INTU: variants seen among roughly 807,000 people sequenced by gnomAD.
INTU encodes the protein inturned planar cell polarity protein.
In INTU, 68 loss-of-function variants were observed where a neutral mutation model predicts 100.5. That is an observed-to-expected ratio of 0.68 (90% confidence interval 0.56 to 0.83). INTU has a LOEUF of 0.83. INTU is among the 40% of genes least tolerant of loss of function. INTU has a pLI of 0.00. For synonymous variants in INTU, 357 were observed against 395.7 expected, an observed-to-expected ratio of 0.90 and a Z score of 1.16; for missense variants, 1,071 against 1,114.7, an observed-to-expected ratio of 0.96 and a Z score of 0.56.
chr4:127,680,051 C>G (rs966843670), intron 6 of INTU, among the ~76,000 whole-genome samples: 9 of 152,064 alleles, frequency 5.9e-5, no homozygotes, highest in African/African-American at 1.9e-4. Context: ...AAGACTAAAC[C>G]AGGAAGAAGT....
chr4:127,687,220 G>A (rs977648283), intron 7 of INTU: 1 of 152,264 alleles, frequency 6.6e-6, no homozygotes, highest in Non-Finnish European at 1.5e-5. Flanking sequence ...GAAAGGTTAG[G>A]TGATTTGCCT....
intron 2 of INTU, among the ~76,000 whole-genome samples, chr4:127,653,780 T>G (rs1728030011): frequency 6.6e-6 from 1 of 151,648 alleles, no homozygotes. Flanking sequence ...GTATCCTTGT[T>G]GACGTTCTGT....
intron 6 of INTU, among the ~76,000 whole-genome samples, chr4:127,683,005 T>C (rs113520797): frequency 2.6e-5 from 4 of 152,272 alleles, no homozygotes; most frequent in South Asian, 2.1e-4. Flanking sequence ...AACCACACTC[T>C]GATGACACCA....
At chr4:127,703,610 T>G (rs978556177) in intron 9 of INTU, among the ~76,000 whole-genome samples, 2 of 152,218 alleles carry the variant, frequency 1.3e-5, no homozygotes, top group African/African-American at 4.8e-5. Flanking sequence ...CCTGCTCATA[T>G]AGATCAATCA....
In INTU at chr4:127,706,672, C is replaced by G; in HGVS notation, c.1974C>G (p.Asp658Glu). ...SSPVPCLSCADWFLTGSREKT... is the reference protein window; with the variant it reads ...SSPVPCLSCAEWFLTGSREKT... ...CAGTCCCCTGTTTGTCTTGTGCTGA[C>G]TGGTTCCTTACTGGATCACGTGAAA... is the stretch of plus-strand genomic sequence containing the variant. Residue 658 changes from aspartate to glutamate, a missense_variant, in exon 12 of 16, where the codon GAC becomes GAG. Coordinates refer to ENST00000335251, the MANE Select transcript of INTU (RefSeq NM_015693.4). 1 of 1,614,108 alleles carries G rather than the reference C, an allele frequency of 6.2e-7. No individual in the cohort carries two copies. Among genetic ancestry groups the G allele is most frequent in the Non-Finnish European group, 8.5e-7 (1 of 1,179,972 alleles).
Position 127,663,590 on chromosome 4 carries a change from T to C in INTU, c.972+6T>C, listed in dbSNP as rs768997539. ...CAGAAACCTCAAAGGAAGAGGTGAG[T>C]GTCCTCAAAAGTCCAAAGGAAATAA... is the stretch of plus-strand genomic sequence containing the variant. On this transcript the variant is annotated splice_donor_region_variant and intron_variant, in intron 4 of 15. Transcript: ENST00000335251. 1.9e-6 allele frequency: 3 copies of C among 1,611,044 alleles called. No individual in the cohort carries two copies. The highest frequency in any genetic ancestry group is 1.3e-5 in the African/African-American group (1 of 74,788).
At chr4:127,650,752 G>C (rs953142128) in intron 2 of INTU, among the ~76,000 whole-genome samples, 4 of 151,270 alleles carry the variant, frequency 2.6e-5, no homozygotes, top group African/African-American at 9.7e-5. Context: ...GGGATGGCTG[G>C]GTCAAATGGT....
At chr4:127,700,159 T>C in intron 9 of INTU, 96 bp downstream of exon 9, 2 of 1,025,726 alleles carry the variant, frequency 1.9e-6, no homozygotes, top group Admixed American at 4.6e-5. Flanking sequence ...TATATAATAA[T>C]CTTGAAATAC....
intron 1 of INTU, among the ~76,000 whole-genome samples, chr4:127,637,906 T>A (rs753847531): frequency 1.4e-4 from 21 of 152,166 alleles, no homozygotes; most frequent in Non-Finnish European, 2.8e-4. Context: ...GAATGAACAG[T>A]TATGCATTTA....
At chr4:127,685,882 A>G (rs976576743) in intron 7 of INTU, 3 of 152,948 alleles carry the variant, frequency 2.0e-5, no homozygotes, top group African/African-American at 7.2e-5. Context: ...TTTATCTTCC[A>G]TTGATAGTGG....
intron 2 of INTU, among the ~76,000 whole-genome samples, chr4:127,654,316 C>A (rs1201444207): frequency 6.6e-6 from 1 of 152,182 alleles, no homozygotes; most frequent in African/African-American, 2.4e-5. Flanking sequence ...TCTTCGTAGT[C>A]TCAATGGTCT....
intron 9 of INTU, among the ~76,000 whole-genome samples, chr4:127,702,709 T>A (rs1260450637): frequency 6.6e-6 from 1 of 152,210 alleles, no homozygotes; most frequent in Non-Finnish European, 1.5e-5. Context: ...TATATCCTAA[T>A]GCTGTGTTTT....
chr4:127,706,322 TTAA>T (rs1400765456), intron 11 of INTU, among the ~76,000 whole-genome samples, 162 bp from the exon 12 acceptor site: 1 of 152,148 alleles, frequency 6.6e-6, no homozygotes, highest in African/African-American at 2.4e-5. Context: ...TCAAGAAGCA[TTAA>T]TAATAACCAA....
At chr4:127,679,359 C>T (rs1007527716) in intron 6 of INTU, among the ~76,000 whole-genome samples, 9 of 152,144 alleles carry the variant, frequency 5.9e-5, no homozygotes, top group African/African-American at 2.2e-4. Context: ...GGAAGTAAAG[C>T]TCTCCTCAGC....
At chr4:127,637,026 G>C (rs1727103038) in intron 1 of INTU, among the ~76,000 whole-genome samples, 1 of 152,078 alleles carries the variant, frequency 6.6e-6, no homozygotes, top group Non-Finnish European at 1.5e-5. Flanking sequence ...CTCCTCTAAG[G>C]CTACCCATCT....
chr4:127,706,425 C>G (rs959630121), intron 11 of INTU, 62 bp from the exon 12 acceptor site: 3 of 1,388,776 alleles, frequency 2.2e-6, no homozygotes, highest in Non-Finnish European at 3.0e-6. Context: ...TTTATACATG[C>G]ACATTTTATG....
intron 6 of INTU, among the ~76,000 whole-genome samples, chr4:127,674,744 C>T (rs1729095871): frequency 6.6e-6 from 1 of 152,120 alleles, no homozygotes; most frequent in African/African-American, 2.4e-5. Context: ...GAGGTAAAAG[C>T]AGGATTGACA....
chr4:127,656,120 T>C (rs1728206265), intron 2 of INTU, among the ~76,000 whole-genome samples: 1 of 150,654 alleles, frequency 6.6e-6, no homozygotes, highest in Admixed American at 6.6e-5. Flanking sequence ...ACGCCCACTG[T>C]CTGGTACTCC....
intron 14 of INTU, 61 bp downstream of exon 14, chr4:127,711,163 T>G (rs1346470272): frequency 2.4e-6 from 3 of 1,249,042 alleles, no homozygotes; most frequent in Non-Finnish European, 3.3e-6. Context: ...CTAAGCATTC[T>G]GTTATCTAAT....
Sources: gnomAD v4.1 joint callset for allele counts (sites outside exome capture counted in the v4.1 genomes callset) on GRCh38, gnomAD v4.1.1 for gene constraint, MANE v1.5 for transcripts, NCBI Gene and HGNC (gene_info 2026-07-23, HGNC 2026-07-21) for gene names.